The following GLCCI1 variants were observed in gnomAD, a reference collection of about 807,000 sequenced individuals.
GLCCI1 encodes the protein glucocorticoid-induced transcript 1 protein.
In GLCCI1, 24 loss-of-function variants were observed where a neutral mutation model predicts 52.2. The ratio of observed to expected loss-of-function variants is 0.46; its 90% CI spans 0.33 to 0.65. The LOEUF is 0.65. Among genes scored for constraint, GLCCI1 ranks in the 30% least tolerant of loss-of-function variants. The pLI, the probability that GLCCI1 is intolerant of heterozygous loss-of-function variation, is 0.02. For missense variants in GLCCI1, 704 were observed against 701.5 expected, an observed-to-expected ratio of 1.00 and a Z score of -0.04; for synonymous variants, 310 against 276.5, an observed-to-expected ratio of 1.12 and a Z score of -1.20.
rs181283552 is a variant in GLCCI1 at position 7,987,896 on chromosome 7, G to A, written c.458-16012G>A. 3.6e-3 allele frequency among the ~76,000 whole-genome samples: 544 copies of A among 152,172 alleles called. 4 individuals carry two copies. The highest frequency in any genetic ancestry group is 0.014 in the Middle Eastern group (4 of 294). The stretch of plus-strand genomic sequence containing the variant: ...GAGCCACCATTTTATTTTTTAAAAT[G>A]CGTATCTCTGAAAAGATATCCTTGA... On this transcript the variant is annotated intron_variant, in intron 1 of 7. Coordinates refer to ENST00000223145, the MANE Select transcript of GLCCI1 (RefSeq NM_138426.4).
intron 1 of GLCCI1, chr7:7,981,344 A>G (rs1403305954): frequency 1.7e-5 from 4 of 238,162 alleles, no homozygotes; most frequent in East Asian, 1.7e-4. Context: ...TTTTGTTGAG[A>G]TGGAGTCTCA....
chr7:8,009,634 C>T (rs1223724897), intron 2 of GLCCI1, among the ~76,000 whole-genome samples: 2 of 152,202 alleles, frequency 1.3e-5, no homozygotes, highest in Non-Finnish European at 2.9e-5. Context: ...CATTCCTACT[C>T]TGTCCATCTG....
At chr7:8,050,772 G>C (rs1380289768) in intron 3 of GLCCI1, among the ~76,000 whole-genome samples, 1 of 152,148 alleles carries the variant, frequency 6.6e-6, no homozygotes, top group African/African-American at 2.4e-5. Context: ...GCAGAATGTG[G>C]AATTCCACTT....
At chr7:8,080,490 G>A (rs1782971480) in intron 6 of GLCCI1, among the ~76,000 whole-genome samples, 1 of 151,450 alleles carries the variant, frequency 6.6e-6, no homozygotes. Flanking sequence ...TTTAATTTCA[G>A]GATGATAGAT....
chr7:8,064,282 T>C (rs535770937), intron 5 of GLCCI1, among the ~76,000 whole-genome samples: 166 of 152,266 alleles, frequency 1.1e-3, no homozygotes, highest in African/African-American at 3.9e-3. Flanking sequence ...TTTTTGTATA[T>C]GGTGTGAGGA....
intron 2 of GLCCI1, among the ~76,000 whole-genome samples, chr7:8,008,954 T>A (rs1243863629): frequency 6.6e-6 from 1 of 152,062 alleles, no homozygotes; most frequent in Non-Finnish European, 1.5e-5. Flanking sequence ...TAAAAAAAAA[T>A]TCATGACCCA....
intron 6 of GLCCI1, among the ~76,000 whole-genome samples, chr7:8,073,449 G>C (rs79297869): frequency 0.014 from 2,121 of 151,916 alleles, 58 homozygotes; most frequent in African/African-American, 0.048. Context: ...GTGCCCTTTT[G>C]TTCCTACATA....
At chr7:7,977,384 G>A (rs1290791098) in intron 1 of GLCCI1, among the ~76,000 whole-genome samples, 1 of 152,170 alleles carries the variant, frequency 6.6e-6, no homozygotes, top group African/African-American at 2.4e-5. Flanking sequence ...TTCTGATGAA[G>A]GTGGAGCAAA....
At chr7:8,011,566 T>C (rs1044878657) in intron 2 of GLCCI1, among the ~76,000 whole-genome samples, 4 of 152,202 alleles carry the variant, frequency 2.6e-5, no homozygotes, top group Non-Finnish European at 4.4e-5. Context: ...TTAGGTTGTT[T>C]CTGCTTTTTG....
rs1458253564 is a variant in GLCCI1, at chr7:8,060,254, G to A, written c.966+6G>A. ...GGAAGGAAGAAGTATCCAAGGTAAG[G>A]TTACATGGGATATTTGAATCCTTTT... On this transcript the variant is annotated splice_donor_region_variant and intron_variant, in intron 5 of 7. Coordinates refer to ENST00000223145, the MANE Select transcript of GLCCI1 (RefSeq NM_138426.4). 6.2e-7 allele frequency: 1 copy of A among 1,602,294 alleles called. No individual in the cohort carries two copies.
At chr7:7,979,842 CT>C (rs956783176) in intron 1 of GLCCI1, among the ~76,000 whole-genome samples, 1 of 152,200 alleles carries the variant, frequency 6.6e-6, no homozygotes, top group African/African-American at 2.4e-5. Flanking sequence ...AAGTGACAAA[CT>C]TTTCATGTGT....
intron 4 of GLCCI1, among the ~76,000 whole-genome samples, chr7:8,056,958 A>G (rs180684685): frequency 1.5e-4 from 23 of 152,330 alleles, no homozygotes; most frequent in African/African-American, 4.1e-4. Context: ...CTACTTACAT[A>G]TGATATTATA....
chr7:8,003,845 G>A, intron 1 of GLCCI1, 63 bp from the exon 2 acceptor site: 1 of 1,438,704 alleles, frequency 7.0e-7, no homozygotes, highest in Middle Eastern at 1.8e-4. Context: ...AAACTATGAA[G>A]TTAGATAACT....
chr7:7,980,634 A>C (rs774090332), intron 1 of GLCCI1: 3 of 807,352 alleles, frequency 3.7e-6, no homozygotes, highest in Non-Finnish European at 6.2e-6. Flanking sequence ...TTTTTGAGAC[A>C]GAAAACGTCC....
chr7:8,035,880 G>A (rs1042612086), intron 3 of GLCCI1, among the ~76,000 whole-genome samples: 3 of 152,140 alleles, frequency 2.0e-5, no homozygotes, highest in Admixed American at 1.3e-4. Flanking sequence ...CTCACCACCC[G>A]CTTCAGGGCT....
At chr7:7,992,043 T>TTTCTTTC (rs1780847499) in intron 1 of GLCCI1, among the ~76,000 whole-genome samples, 3 of 128,714 alleles carry the variant, frequency 2.3e-5, no homozygotes, top group Non-Finnish European at 4.9e-5. Context: ...AGAATTTATT[T>TTTCTTTC]TTTCTTTCTT....
At position 8,026,162 on chromosome 7, in the gene GLCCI1, T is replaced by C. The variant is rs553494643; in HGVS notation, c.696+3593T>C. On this transcript the variant is annotated intron_variant, in intron 3 of 7. Coordinates refer to ENST00000223145, the MANE Select transcript of GLCCI1 (RefSeq NM_138426.4). ...AAAAGGACATAAATTATAGTTTCTA[T>C]TTGACTGATATTAAGTATTATTGTG... Among the ~76,000 whole-genome samples the C allele has an allele frequency of 2.6e-5, 4 of 152,168 alleles. No individual in the cohort carries two copies. The South Asian group carries it at 8.3e-4, about 32-fold the overall frequency.
chr7:7,998,488 T>C (rs1251197396), intron 1 of GLCCI1, among the ~76,000 whole-genome samples: 1 of 152,236 alleles, frequency 6.6e-6, no homozygotes, highest in African/African-American at 2.4e-5. Flanking sequence ...AGTGCTGGGA[T>C]TACAGGTGTG....
At chr7:8,009,031 G>T (rs944497972) in intron 2 of GLCCI1, among the ~76,000 whole-genome samples, 6 of 152,192 alleles carry the variant, frequency 3.9e-5, no homozygotes, top group Admixed American at 1.3e-4. Flanking sequence ...AGTAATACCC[G>T]ATTTGCACAT....
Sources: allele counts gnomAD v4.1 joint callset (sites outside exome capture counted in the v4.1 genomes callset), GRCh38; gene constraint gnomAD v4.1.1; transcripts MANE v1.5; gene names NCBI Gene and HGNC (gene_info 2026-07-23, HGNC 2026-07-21).